The following RAB3GAP2 variants were observed in gnomAD, a reference collection of about 807,000 sequenced individuals.
The protein encoded by RAB3GAP2 is RAB3 GTPase activating non-catalytic protein subunit 2, also known as rab3 GTPase-activating protein non-catalytic subunit.
RAB3GAP2 carries 87 observed loss-of-function variants against 185.3 expected under a neutral mutation model. The ratio of observed to expected loss-of-function variants is 0.47; its 90% confidence interval spans 0.39 to 0.56. The LOEUF (loss-of-function observed/expected upper bound fraction) is 0.56, where lower values mean the gene tolerates loss of function less well. Among genes scored for constraint, RAB3GAP2 ranks in the 20% least tolerant of loss-of-function variants. RAB3GAP2 has a pLI of 0.00. For missense variants in RAB3GAP2, 1,492 were observed against 1,638.2 expected (o/e 0.91, Z 1.54); for synonymous variants, 554 against 576.1 (o/e 0.96, Z 0.55).
chr1:220,168,399 CTTTT>C (rs746471692), intron 24 of RAB3GAP2, among the ~76,000 whole-genome samples: 3 of 139,086 alleles, frequency 2.2e-5, no homozygotes. Context: ...GTAAATATTC[CTTTT>C]TTTTTTTTTT....
At chr1:220,254,691 G>GT (rs1366979683) in intron 1 of RAB3GAP2, among the ~76,000 whole-genome samples, 2 of 151,930 alleles carry the variant, frequency 1.3e-5, no homozygotes, top group African/African-American at 4.8e-5. Context: ...AAATAAAAGG[G>GT]GTAATAGCTC....
At chr1:220,213,446 G>A (rs1659120767) in intron 3 of RAB3GAP2, among the ~76,000 whole-genome samples, 3 of 151,920 alleles carry the variant, frequency 2.0e-5, no homozygotes, top group African/African-American at 7.3e-5. Flanking sequence ...AAAAAATTAT[G>A]AGTTAAAATG....
chr1:220,208,588 T>C (rs1000463161), intron 7 of RAB3GAP2, among the ~76,000 whole-genome samples: 2 of 152,250 alleles, frequency 1.3e-5, no homozygotes, highest in African/African-American at 4.8e-5. Context: ...TTACTGCCAA[T>C]GTAGTCCCCT....
intron 2 of RAB3GAP2, among the ~76,000 whole-genome samples, chr1:220,228,643 T>C (rs1659446010): frequency 6.6e-6 from 1 of 152,196 alleles, no homozygotes; most frequent in Non-Finnish European, 1.5e-5. Flanking sequence ...CTGAACTTCA[T>C]TGTACCTGCC....
chr1:220,218,015 T>C (rs1659229940), intron 2 of RAB3GAP2, among the ~76,000 whole-genome samples: 1 of 152,174 alleles, frequency 6.6e-6, no homozygotes, highest in Non-Finnish European at 1.5e-5. Flanking sequence ...GCATTGGAAA[T>C]AGATGTCACT....
intron 1 of RAB3GAP2, chr1:220,266,977 C>T: frequency 1.2e-6 from 2 of 1,608,316 alleles, no homozygotes; most frequent in South Asian, 2.2e-5. Context: ...AACTCCAAGG[C>T]TCCAGAGATC....
intron 14 of RAB3GAP2, 62 bp from the exon 15 acceptor site, chr1:220,190,582 C>T: frequency 6.6e-7 from 1 of 1,510,120 alleles, no homozygotes; most frequent in South Asian, 1.1e-5. Context: ...CCAAAAGGTG[C>T]TTTTATTATA....
chr1:220,155,199 C>G (rs968843742), intron 31 of RAB3GAP2, among the ~76,000 whole-genome samples: 3 of 152,196 alleles, frequency 2.0e-5, no homozygotes, highest in Non-Finnish European at 4.4e-5. Flanking sequence ...AGACCTGGGT[C>G]TAGTCCAAGG....
At chr1:220,239,586 C>A (rs1467068155) in intron 1 of RAB3GAP2, among the ~76,000 whole-genome samples, 1 of 152,044 alleles carries the variant, frequency 6.6e-6, no homozygotes, top group African/African-American at 2.4e-5. Context: ...TCTATTCCAT[C>A]CCATTTTAAT....
chr1:220,173,815 T>A (rs1221720410), intron 21 of RAB3GAP2, among the ~76,000 whole-genome samples: 1 of 152,044 alleles, frequency 6.6e-6, no homozygotes, highest in Non-Finnish European at 1.5e-5. Flanking sequence ...GGTCAGGAGA[T>A]TGAGACCATC....
intron 28 of RAB3GAP2, among the ~76,000 whole-genome samples, chr1:220,160,327 T>C (rs1657942532): frequency 6.6e-6 from 1 of 152,204 alleles, no homozygotes; most frequent in Admixed American, 6.5e-5. Context: ...GTCACCTCAC[T>C]ACCACTTGCT....
At chr1:220,183,680 C>T (rs1038099783) in intron 19 of RAB3GAP2, among the ~76,000 whole-genome samples, 5 of 152,174 alleles carry the variant, frequency 3.3e-5, no homozygotes, top group East Asian at 3.9e-4. Flanking sequence ...TATAAAGCAG[C>T]GTAAACACTA....
In RAB3GAP2 at chr1:220,170,757, T is replaced by C. The variant is rs1571880625; in HGVS notation, c.2806+135A>G. The C allele has an allele frequency of 7.9e-6, 6 of 761,800 alleles. No individual in the cohort carries two copies. In the East Asian group the frequency reaches 1.6e-4, roughly 20 times the overall value. The allele number at this position is 761,800 out of a possible 1,614,324, so 47.2% of individuals were successfully genotyped here. A position where few individuals can be genotyped will look rare whatever the true frequency, so the allele number is the denominator to read the frequency against. The stretch of plus-strand genomic sequence containing the variant: ...ACTTTAGAGAAAATTAATTTAAAGG[T>C]AGTATATAGAAGGTTATTGTTATTT... On this transcript the variant is annotated intron_variant, in intron 24 of 34. Coordinates refer to ENST00000358951, the MANE Select transcript of RAB3GAP2 (RefSeq NM_012414.4).
At chr1:220,163,815 G>C (rs941509202) in intron 27 of RAB3GAP2, among the ~76,000 whole-genome samples, 1 of 142,740 alleles carries the variant, frequency 7.0e-6, no homozygotes, top group Admixed American at 7.2e-5. Flanking sequence ...TAATTTTCAA[G>C]TTCTCTTCAA....
At chr1:220,263,646 T>C (rs1260506031) in intron 1 of RAB3GAP2, among the ~76,000 whole-genome samples, 1 of 152,126 alleles carries the variant, frequency 6.6e-6, no homozygotes, top group Non-Finnish European at 1.5e-5. Flanking sequence ...TCCATTGGTT[T>C]GTTTGTCTTT....
chr1:220,255,772 A>T (rs1375105672), intron 1 of RAB3GAP2, among the ~76,000 whole-genome samples: 1 of 152,208 alleles, frequency 6.6e-6, no homozygotes, highest in South Asian at 2.1e-4. Flanking sequence ...TCTGGAAAAT[A>T]TGAGATCACA....
At chr1:220,165,317 G>A (rs762559230) in intron 26 of RAB3GAP2, among the ~76,000 whole-genome samples, 3 of 150,936 alleles carry the variant, frequency 2.0e-5, no homozygotes, top group Non-Finnish European at 4.4e-5. Context: ...ATTATATTTA[G>A]TATGTTAATG....
chr1:220,176,971 C>A (rs1658303462), intron 21 of RAB3GAP2, among the ~76,000 whole-genome samples: 1 of 152,138 alleles, frequency 6.6e-6, no homozygotes, highest in South Asian at 2.1e-4. Flanking sequence ...ACCATCTGAG[C>A]CAACAAAACA....
intron 2 of RAB3GAP2, among the ~76,000 whole-genome samples, chr1:220,216,482 G>A (rs1460444763): frequency 6.6e-6 from 1 of 152,180 alleles, no homozygotes; most frequent in Non-Finnish European, 1.5e-5. Flanking sequence ...GCTGTAAGCT[G>A]AGGACAACAT....
Sources: allele counts gnomAD v4.1 joint callset (sites outside exome capture counted in the v4.1 genomes callset), GRCh38; gene constraint gnomAD v4.1.1; transcripts MANE v1.5; gene names NCBI Gene and HGNC (gene_info 2026-07-23, HGNC 2026-07-21).